Variants in HAPLN3 observed in about 807,000 individuals in gnomAD.
HAPLN3 encodes the protein extracellular link domain containing, 1.
Under a neutral mutation model 28.1 loss-of-function variants are expected in HAPLN3, and 28 were observed. The observed-to-expected ratio is 1.00, with a 90% CI of 0.74 to 1.37. The LOEUF (loss-of-function observed/expected upper bound fraction) is 1.37. Among genes scored for constraint, HAPLN3 ranks in the 40% most tolerant of loss-of-function variants. The pLI is 0.00. For synonymous variants in HAPLN3, 211 were observed against 213.1 expected (o/e 0.99, Z 0.09); for missense variants, 513 against 504.6 (o/e 1.02, Z -0.16).
At chr15:88,887,041 T>C (rs1424028436) in intron 2 of HAPLN3, 134 bp downstream of exon 2, 2 of 942,260 alleles carry the variant, frequency 2.1e-6, no homozygotes, top group East Asian at 2.4e-5. Context: ...AGAAGCAAGC[T>C]GGCCCACTAC....
At chr15:88,883,043 T>C (rs1897749779) in intron 2 of HAPLN3, among the ~76,000 whole-genome samples, 1 of 152,122 alleles carries the variant, frequency 6.6e-6, no homozygotes, top group Non-Finnish European at 1.5e-5. Context: ...ATTAAAAAGG[T>C]GGAGGCAAGG....
chr15:88,881,727 T>C lies in HAPLN3; in HGVS notation c.125-2A>G, dbSNP rs1345063729. ...CCAGCTTCACTCCATTAAGGAGGTC[T>C]TGGGGGAGAGACAGGGTGCAGATGA... On this transcript the variant is annotated splice_acceptor_variant, in intron 2 of 4. Transcript: ENST00000359595. LOFTEE classifies it high-confidence loss of function. The surrounding 1 kb of genome is among the most constrained non-coding windows in gnomAD (Gnocchi z 6.0). 6.2e-7 allele frequency: 1 copy of C among 1,606,394 alleles called. No individual in the cohort carries two copies. The highest frequency in any genetic ancestry group is 2.2e-5 in the East Asian group (1 of 44,796).
rs762144871 is a variant in HAPLN3, at chr15:88,881,598, C to T, written c.252G>A (p.Val84=). 1.9e-6 allele frequency: 3 copies of T among 1,614,038 alleles called. No individual in the cohort carries two copies. The highest frequency in any genetic ancestry group is 1.1e-5 in the South Asian group (1 of 91,050). The change falls in exon 3 of 5, where the codon GTG becomes GTA. Residue 84 remains valine, a synonymous_variant. Coordinates refer to ENST00000359595, the MANE Select transcript of HAPLN3 (RefSeq NM_178232.4). This position sits in a 1 kb window ranked among gnomAD's most constrained non-coding sequence, Gnocchi z 6.0. ...CCGACAGCTTCCACCATTTGACACG[C>T]ACACGCCGCGGGGAGACCAGGGCCG... ...YEPALVSPRR[V]RVKWWKLSEN...
rs759574926 is a variant in HAPLN3, at chr15:88,879,497, T to C, written c.494-228A>G. 7.1e-5 allele frequency: 108 copies of C among 1,520,904 alleles called. No individual in the cohort carries two copies. Among genetic ancestry groups the C allele is most frequent in the Middle Eastern group, 6.7e-4 (4 of 5,930 alleles). The allele number at this position is 1,520,904 out of a possible 1,614,324, so 94.2% of individuals were successfully genotyped here. ...AGAAAACATCCATGAGTTAAGGTAA[T>C]TAATTAGTCCATTAATGTCCCCAAC... On this transcript the variant is annotated intron_variant, in intron 3 of 4. Transcript: ENST00000359595. This position sits in a 1 kb window ranked among gnomAD's most constrained non-coding sequence, Gnocchi z 5.0.
At chr15:88,887,965 AAAAAAAG>A (rs951313125) in intron 1 of HAPLN3, among the ~76,000 whole-genome samples, 1 of 152,132 alleles carries the variant, frequency 6.6e-6, no homozygotes, top group Non-Finnish European at 1.5e-5. Flanking sequence ...CTCTATCTCA[AAAAAAAG>A]AAAAAAGAAA....
In HAPLN3 at chr15:88,888,822, G is replaced by A. The variant is rs1483737970; in HGVS notation, c.-47-1477C>T. ...TTTGCCAGGTGGAGAAGGACTGACA[G>A]GTTTATCCAGTAGGGCACTGCCACT... On this transcript the variant is annotated intron_variant, in intron 1 of 4. Coordinates refer to ENST00000359595, the MANE Select transcript of HAPLN3 (RefSeq NM_178232.4). The surrounding 1 kb of genome is among the most constrained non-coding windows in gnomAD (Gnocchi z 4.1). Among the ~76,000 whole-genome samples, 1 of 152,194 alleles carries A rather than the reference G, an allele frequency of 6.6e-6. No homozygotes were observed. Among genetic ancestry groups the A allele is most frequent in the Non-Finnish European group, 1.5e-5 (1 of 68,042 alleles).
Position 88,880,223 on chromosome 15 carries a change from G to A in HAPLN3, c.494-954C>T. ...GCCCTTGAAGCCCCGGGAATGGGGTGAGGGCTCCCTGTTTCTCTAGGCTGC... is the reference window on the plus strand; with the variant it reads ...GCCCTTGAAGCCCCGGGAATGGGGTAAGGGCTCCCTGTTTCTCTAGGCTGC... On this transcript the variant is annotated intron_variant, in intron 3 of 4. Transcript: ENST00000359595. This position sits in a 1 kb window ranked among gnomAD's most constrained non-coding sequence, Gnocchi z 6.0. The A allele has an allele frequency of 3.0e-6, 3 of 998,918 alleles. No individual in the cohort carries two copies. The highest frequency in any genetic ancestry group is 3.6e-6 in the Non-Finnish European group (3 of 838,468). The allele number at this position is 998,918 out of a possible 1,614,324, so 61.9% of individuals were successfully genotyped here.
chr15:88,880,119 G>A lies in HAPLN3; in HGVS notation c.494-850C>T, dbSNP rs1897657436. 1 of 992,662 alleles carries A rather than the reference G, an allele frequency of 1.0e-6. No homozygotes were observed. Among genetic ancestry groups the A allele is most frequent in the Non-Finnish European group, 1.2e-6 (1 of 834,738 alleles). 61.5% of individuals were successfully genotyped at this position (992,662 alleles called of 1,614,324 possible). A position where few individuals can be genotyped will look rare whatever the true frequency, so the allele number is the denominator to read the frequency against. Reference sequence around the variant, plus strand: ...AGGTTGGGCGGCAGAGAAGCCCATGGGCCCTGACAGTCAGCTTGCAGCCTC... The same window carrying A: ...AGGTTGGGCGGCAGAGAAGCCCATGAGCCCTGACAGTCAGCTTGCAGCCTC... On this transcript the variant is annotated intron_variant, in intron 3 of 4. Transcript: ENST00000359595. This position sits in a 1 kb window ranked among gnomAD's most constrained non-coding sequence, Gnocchi z 6.0.
At chr15:88,886,794 C>T (rs2141668014) in intron 2 of HAPLN3, among the ~76,000 whole-genome samples, 1 of 152,328 alleles carries the variant, frequency 6.6e-6, no homozygotes, top group African/African-American at 2.4e-5. Context: ...CATTGCACTC[C>T]AGCCTCGGCA....
rs1897712658 is a variant in HAPLN3, at chr15:88,881,791, C to T, written c.125-66G>A. 5 of 1,518,960 alleles carry T rather than the reference C, an allele frequency of 3.3e-6. No homozygotes were observed. Among genetic ancestry groups the T allele is most frequent in the South Asian group, 2.6e-5 (2 of 77,474 alleles). The allele number at this position is 1,518,960 out of a possible 1,614,324, so 94.1% of individuals were successfully genotyped here. On this transcript the variant is annotated intron_variant, in intron 2 of 4. Transcript: ENST00000359595. This position sits in a 1 kb window ranked among gnomAD's most constrained non-coding sequence, Gnocchi z 6.0. ...ACATCTGTACCCCTGCAAGGGCCAC[C>T]GCACACCCTCATCCACGGCTCCTAC...
At position 88,879,798 on chromosome 15, in the gene HAPLN3, C is replaced by T. The variant is rs1028619419; in HGVS notation, c.494-529G>A. ...GGGGAAGGGCCTTCCATAAAGGAGG[C>T]TCAAGGGCAGGGAGGTCTGGGGCAG... On this transcript the variant is annotated intron_variant, in intron 3 of 4. Coordinates refer to ENST00000359595, the MANE Select transcript of HAPLN3 (RefSeq NM_178232.4). This position sits in a 1 kb window ranked among gnomAD's most constrained non-coding sequence, Gnocchi z 5.0. 1.8e-6 allele frequency: 2 copies of T among 1,105,172 alleles called. No homozygotes were observed. Among genetic ancestry groups the T allele is most frequent in the Non-Finnish European group, 2.2e-6 (2 of 900,286 alleles). The allele number at this position is 1,105,172 out of a possible 1,614,324, so 68.5% of individuals were successfully genotyped here.
In HAPLN3 at chr15:88,879,649, T is replaced by C; in HGVS notation, c.494-380A>G. On this transcript the variant is annotated intron_variant, in intron 3 of 4. Transcript: ENST00000359595. The surrounding 1 kb of genome is among the most constrained non-coding windows in gnomAD (Gnocchi z 5.0). ...GACTCCCAGCTCCCCACTCGTTAGC[T>C]GGGACCCGATCGTCTACGTTATTAT... 2 of 1,225,678 alleles carry C rather than the reference T, an allele frequency of 1.6e-6. No homozygotes were observed. Among genetic ancestry groups the C allele is most frequent in the Non-Finnish European group, 1.0e-6 (1 of 963,974 alleles). The allele number at this position is 1,225,678 out of a possible 1,614,324, so 75.9% of individuals were successfully genotyped here. A position where few individuals can be genotyped will look rare whatever the true frequency, so the allele number is the denominator to read the frequency against.
intron 1 of HAPLN3, among the ~76,000 whole-genome samples, chr15:88,889,767 T>G (rs1230300672): frequency 1.3e-5 from 2 of 152,220 alleles, no homozygotes; most frequent in Non-Finnish European, 2.9e-5. Context: ...AAGACCAGAA[T>G]GACAGCAGGC....
At chr15:88,889,651 G>T (rs762637249) in intron 1 of HAPLN3, among the ~76,000 whole-genome samples, 1 of 152,094 alleles carries the variant, frequency 6.6e-6, no homozygotes, top group Non-Finnish European at 1.5e-5. Flanking sequence ...TCTATCCTTT[G>T]TCCTGGAGGC....
chr15:88,891,747 C>T (rs1898018349), intron 1 of HAPLN3, among the ~76,000 whole-genome samples: 2 of 152,210 alleles, frequency 1.3e-5, no homozygotes, highest in African/African-American at 4.8e-5. Flanking sequence ...GAACCCACTC[C>T]AGCCCCAAAG....
In HAPLN3 at chr15:88,895,345, C is replaced by T. The variant is rs117683732; in HGVS notation, c.-48+114G>A. The T allele has an allele frequency of 0.05, 7,565 of 152,558 alleles. 264 individuals are homozygous for T. The highest frequency in any genetic ancestry group is 0.15 in the East Asian group (791 of 5,136). 9.5% of individuals were successfully genotyped at this position (152,558 alleles called of 1,614,324 possible). On this transcript the variant is annotated intron_variant, in intron 1 of 4. Transcript: ENST00000359595. The surrounding 1 kb of genome is among the most constrained non-coding windows in gnomAD (Gnocchi z 5.5). ...CAGTGCCCGGCCCACGCCTCCTGCC[C>T]CTTCCCCGGACCCTGCCCGGGAGGT... is the stretch of plus-strand genomic sequence containing the variant.
Position 88,879,871 on chromosome 15 carries a change from G to GA in HAPLN3, c.494-603dup, listed in dbSNP as rs1235089790. On this transcript the variant is annotated intron_variant, in intron 3 of 4. Transcript: ENST00000359595. This position sits in a 1 kb window ranked among gnomAD's most constrained non-coding sequence, Gnocchi z 5.0. ...GGGTCTGATAGAGGCCACAGGCCCT[G>GA]AAAAGATATGTTCGTGTTTGAAATT... is the stretch of plus-strand genomic sequence containing the variant. 2.9e-6 allele frequency: 3 copies of GA among 1,022,514 alleles called. No individual in the cohort carries two copies. In the African/African-American group the frequency reaches 5.2e-5, roughly 18 times the overall value. 63.3% of individuals were successfully genotyped at this position (1,022,514 alleles called of 1,614,324 possible).
chr15:88,878,053 G>T lies in HAPLN3; in HGVS notation c.1000C>A (p.Pro334Thr), dbSNP rs377725199. Residue 334 changes from proline to threonine, a missense_variant, in exon 5 of 5, where the codon CCC (proline) becomes ACC (threonine). Physicochemically the swap from Pro to Thr is conservative, Grantham distance 38. Coordinates refer to ENST00000359595, the MANE Select transcript of HAPLN3 (RefSeq NM_178232.4). ...AAGCTTCGGACCCCAGGCTCTGGGG[G>T]CCCACAGTTAGGATGCGGGTGAACC... ...PVVHPHPNCG[P>T]PEPGVRSFGF... 1.9e-6 allele frequency: 3 copies of T among 1,614,064 alleles called. No homozygotes were observed. The highest frequency in any genetic ancestry group is 2.5e-6 in the Non-Finnish European group (3 of 1,179,988).
At position 88,880,004 on chromosome 15, in the gene HAPLN3, TCTC is replaced by T. The variant is rs1897653906; in HGVS notation, c.494-738_494-736del. On this transcript the variant is annotated intron_variant, in intron 3 of 4. Transcript: ENST00000359595. The surrounding 1 kb of genome is among the most constrained non-coding windows in gnomAD (Gnocchi z 6.0). ...GGGGTCTGGGAAGGACACTTTGGAA[TCTC>T]CTCCGTGTGGCCAAGGACCCAGGAA... The T allele has an allele frequency of 1.0e-6, 1 of 993,842 alleles. No individual in the cohort carries two copies. The highest frequency in any genetic ancestry group is 5.6e-5 in the Admixed American group (1 of 17,900). The allele number at this position is 993,842 out of a possible 1,614,324, so 61.6% of individuals were successfully genotyped here.
Sources: allele counts gnomAD v4.1 joint callset (sites outside exome capture counted in the v4.1 genomes callset), GRCh38; gene constraint gnomAD v4.1.1; non-coding constraint Gnocchi (gnomAD v3.1); transcripts MANE v1.5; gene names NCBI Gene and HGNC (gene_info 2026-07-23, HGNC 2026-07-21).